RTTN: variants seen among roughly 807,000 people sequenced by gnomAD.
The protein encoded by RTTN is rotatin.
RTTN carries 182 observed loss-of-function variants against 269.2 expected under a neutral mutation model. The ratio of observed to expected loss-of-function variants is 0.68; its 90% CI spans 0.60 to 0.76. RTTN has a LOEUF of 0.76. Ranked by LOEUF, RTTN falls within the 30% of genes least tolerant of loss-of-function variation. The pLI is 0.00. For synonymous variants in RTTN, 1,006 were observed against 963.5 expected (o/e 1.04, Z -0.82); for missense variants, 2,545 against 2,608.6 (o/e 0.98, Z 0.53).
chr18:70,190,386 G>A (rs1223689904), intron 9 of RTTN, 152 bp downstream of exon 9: 2 of 475,860 alleles, frequency 4.2e-6, no homozygotes, highest in East Asian at 6.2e-5. Context: ...AAATAATAAA[G>A]ACCTTATTAG....
At chr18:70,060,167 T>C in intron 35 of RTTN, 125 bp from the exon 36 acceptor site, 2 of 881,240 alleles carry the variant, frequency 2.3e-6, no homozygotes, top group South Asian at 2.1e-5. Context: ...TTGCCTTAGC[T>C]TCTTGGCTCA....
chr18:70,022,142 G>A (rs985108471), intron 44 of RTTN, among the ~76,000 whole-genome samples: 7 of 152,038 alleles, frequency 4.6e-5, no homozygotes, highest in African/African-American at 1.4e-4. Context: ...TGCTTCTCTG[G>A]TGTGTTTACT....
intron 10 of RTTN, among the ~76,000 whole-genome samples, chr18:70,178,417 G>A (rs1299906077): frequency 6.6e-6 from 1 of 152,160 alleles, no homozygotes; most frequent in African/African-American, 2.4e-5. Context: ...GGCAGAATGA[G>A]GGGTTATTGT....
chr18:70,143,133 T>A (rs764518310), intron 18 of RTTN, among the ~76,000 whole-genome samples: 1 of 152,234 alleles, frequency 6.6e-6, no homozygotes, highest in Non-Finnish European at 1.5e-5. Context: ...CTTTTCCATA[T>A]GCCTTTTGGC....
chr18:70,174,967 G>A (rs867601381), intron 11 of RTTN, among the ~76,000 whole-genome samples: 7 of 146,864 alleles, frequency 4.8e-5, no homozygotes, highest in South Asian at 4.2e-4. Flanking sequence ...GGTGGAGGCT[G>A]CAGTGAGCCA....
intron 42 of RTTN, 60 bp from the exon 43 acceptor site, chr18:70,028,861 T>C (rs1403915306): frequency 1.7e-6 from 2 of 1,164,890 alleles, no homozygotes; most frequent in East Asian, 2.4e-5. Flanking sequence ...ACTTTTTGTG[T>C]ATAGTAATTC....
chr18:70,052,642 T>TTATATATATATATATATATA (rs1327265663), intron 38 of RTTN, among the ~76,000 whole-genome samples: 7 of 145,848 alleles, frequency 4.8e-5, no homozygotes, highest in Admixed American at 6.9e-5. Flanking sequence ...ATTTATTTAC[T>TTATATATATATATATATATA]TATATATATA....
At chr18:70,109,980 A>G (rs891577938) in intron 27 of RTTN, among the ~76,000 whole-genome samples, 1 of 152,176 alleles carries the variant, frequency 6.6e-6, no homozygotes, top group South Asian at 2.1e-4. Context: ...GTGCCTTGGG[A>G]GCCTGAGGTG....
intron 11 of RTTN, among the ~76,000 whole-genome samples, chr18:70,172,177 T>C (rs1035179083): frequency 2.0e-5 from 3 of 152,228 alleles, no homozygotes; most frequent in African/African-American, 7.2e-5. Flanking sequence ...TTCAGAAGAT[T>C]ACCAACGTAT....
At position 70,084,129 on chromosome 18, in the gene RTTN, G is replaced by T. The variant is rs571024304; in HGVS notation, c.4374+2484C>A. ...GGAAAAGGAGTAGTAATTATAAAGAGAATGCTTCAGAAAGCCTATGAAACA... is the reference window on the plus strand; with the variant it reads ...GGAAAAGGAGTAGTAATTATAAAGATAATGCTTCAGAAAGCCTATGAAACA... On this transcript the variant is annotated intron_variant, in intron 32 of 48. Coordinates refer to ENST00000640769, the MANE Select transcript of RTTN (RefSeq NM_173630.4). Among the ~76,000 whole-genome samples, 8 of 152,020 alleles carry T rather than the reference G, an allele frequency of 5.3e-5. No individual in the cohort carries two copies. The East Asian group carries it at 1.2e-3, about 22-fold the overall frequency.
At chr18:70,116,870 C>T (rs1432706475) in intron 26 of RTTN, among the ~76,000 whole-genome samples, 1 of 151,316 alleles carries the variant, frequency 6.6e-6, no homozygotes, top group African/African-American at 2.4e-5. Context: ...CTGAGCTTCA[C>T]CAAAAGAAGA....
intron 14 of RTTN, among the ~76,000 whole-genome samples, chr18:70,154,698 C>T (rs2060627995): frequency 6.6e-6 from 1 of 152,100 alleles, no homozygotes; most frequent in African/African-American, 2.4e-5. Flanking sequence ...GTTCTACAGT[C>T]GACATGTCAT....
In RTTN at chr18:70,024,705, G is replaced by C; in HGVS notation, c.5950+17C>G. On this transcript the variant is annotated intron_variant, in intron 44 of 48. Transcript: ENST00000640769. ...TATTTTGGTATATTATTGAAAGGCA[G>C]TATTGGATCCTATTACCATTTGGAA... The C allele has an allele frequency of 6.2e-7, 1 of 1,605,286 alleles. No individual in the cohort carries two copies. Among genetic ancestry groups the C allele is most frequent in the Non-Finnish European group, 8.5e-7 (1 of 1,172,750 alleles).
rs544958025 is a variant in RTTN, at chr18:70,106,376, T to C, written c.3903+3122A>G. The stretch of plus-strand genomic sequence containing the variant: ...TAAAGTAAAATAAATAAAAATATAA[T>C]GTATTAAGTAATAGCCACATATATA... On this transcript the variant is annotated intron_variant, in intron 28 of 48. Transcript: ENST00000640769. 7.4e-5 allele frequency among the ~76,000 whole-genome samples: 11 copies of C among 148,334 alleles called. 1 individual carries two copies. The highest frequency in any genetic ancestry group is 3.3e-4 in the Admixed American group (5 of 15,182).
At position 70,149,993 on chromosome 18, in the gene RTTN, C is replaced by G. The variant is rs1157467841; in HGVS notation, c.2150G>C (p.Cys717Ser). The G allele has an allele frequency of 6.2e-7, 1 of 1,610,942 alleles. No homozygotes were observed. Among genetic ancestry groups the G allele is most frequent in the East Asian group, 2.2e-5 (1 of 44,850 alleles). The change falls in exon 16 of 49, where the codon TGT (cysteine) becomes TCT (serine). Residue 717 changes from cysteine to serine, a missense_variant. Cys to Ser is a moderately radical substitution (Grantham distance 112). Coordinates refer to ENST00000640769, the MANE Select transcript of RTTN (RefSeq NM_173630.4). ...TACCTGTAGTATTGGGATGACAGGA[C>G]AGAGAGATTCAATAAACTTGTTCCA... Reference protein sequence around the residue: ...LTWNKFIESLCPVIPILQGYA... With the variant: ...LTWNKFIESLSPVIPILQGYA...
chr18:70,071,624 C>T (rs554905351), intron 34 of RTTN, among the ~76,000 whole-genome samples: 2 of 152,266 alleles, frequency 1.3e-5, no homozygotes, highest in Admixed American at 1.3e-4. Flanking sequence ...TTTACAAGGG[C>T]GATGCCCCAA....
chr18:70,027,615 T>C (rs1052867576), intron 43 of RTTN, among the ~76,000 whole-genome samples: 1 of 152,172 alleles, frequency 6.6e-6, no homozygotes, highest in Admixed American at 6.5e-5. Context: ...TAACTGCACA[T>C]ACACATGAAA....
chr18:70,079,733 T>C (rs1170072160), intron 32 of RTTN, among the ~76,000 whole-genome samples: 1 of 152,074 alleles, frequency 6.6e-6, no homozygotes, highest in East Asian at 1.9e-4. Context: ...TACAAATACA[T>C]TTACAAAGAA....
intron 40 of RTTN, among the ~76,000 whole-genome samples, chr18:70,035,508 A>G (rs967708433): frequency 1.3e-5 from 2 of 152,222 alleles, no homozygotes; most frequent in Admixed American, 6.5e-5. Context: ...GACTAATTAT[A>G]TACATACATT....
Sources: allele counts gnomAD v4.1 joint callset (sites outside exome capture counted in the v4.1 genomes callset), GRCh38; gene constraint gnomAD v4.1.1; transcripts MANE v1.5; gene names NCBI Gene and HGNC (gene_info 2026-07-23, HGNC 2026-07-21).